The following PGCKA1 variants were observed in gnomAD, a reference collection of about 807,000 sequenced individuals.
PGCKA1 encodes the protein PDCD10 and GCKIII kinases-associated protein 1.
chr4:37,509,329 G>A, the PGCKA1 span, among the ~76,000 whole-genome samples: 46 of 128,806 alleles, frequency 3.6e-4, 3 homozygotes, highest in African/African-American at 1.3e-3. Context: ...CAGACAGGGC[G>A]GCCGGGCAGA....
chr4:37,483,761 C>T, the PGCKA1 span, among the ~76,000 whole-genome samples: 1 of 152,082 alleles, frequency 6.6e-6, no homozygotes, highest in Non-Finnish European at 1.5e-5. Flanking sequence ...CACCTAAGTC[C>T]AGGTGAACAC....
At chr4:37,580,604 A>G in the PGCKA1 span, among the ~76,000 whole-genome samples, 5 of 152,304 alleles carry the variant, frequency 3.3e-5, no homozygotes, top group South Asian at 1.0e-3. Flanking sequence ...TTGTTCCCCA[A>G]ACAAAAGTTT....
At chr4:37,573,606 C>T in the PGCKA1 span, among the ~76,000 whole-genome samples, 1 of 152,158 alleles carries the variant, frequency 6.6e-6, no homozygotes, top group Non-Finnish European at 1.5e-5. Flanking sequence ...ATATGCAAAC[C>T]TCTTTCTCCA....
chr4:37,573,133 A>G, the PGCKA1 span, among the ~76,000 whole-genome samples: 1 of 152,224 alleles, frequency 6.6e-6, no homozygotes, highest in Admixed American at 6.5e-5. Context: ...TTAAGCATGT[A>G]TATCATTAAT....
the PGCKA1 span, among the ~76,000 whole-genome samples, chr4:37,453,448 T>A: frequency 2.0e-5 from 3 of 152,068 alleles, no homozygotes; most frequent in African/African-American, 7.2e-5. Context: ...TAGGTCCATG[T>A]AGCTCATACA....
the PGCKA1 span, among the ~76,000 whole-genome samples, chr4:37,539,123 A>T: frequency 1.3e-5 from 2 of 152,184 alleles, no homozygotes. Context: ...TATGAGGAAC[A>T]TCTGAGCCCC....
chr4:37,467,957 C>T, the PGCKA1 span, among the ~76,000 whole-genome samples: 1 of 152,280 alleles, frequency 6.6e-6, no homozygotes, highest in East Asian at 1.9e-4. Flanking sequence ...CTCAGGAGCT[C>T]GCTCATGTTC....
chr4:37,526,992 C>T, the PGCKA1 span, among the ~76,000 whole-genome samples: 4 of 151,942 alleles, frequency 2.6e-5, no homozygotes, highest in African/African-American at 9.7e-5. Flanking sequence ...TCCAATAGGA[C>T]AAGATGTGGA....
chr4:37,458,771 C>T, the PGCKA1 span, among the ~76,000 whole-genome samples: 1 of 152,156 alleles, frequency 6.6e-6, no homozygotes, highest in Middle Eastern at 3.2e-3. Context: ...AAATAGACCC[C>T]ACTTTTTAAT....
the PGCKA1 span, among the ~76,000 whole-genome samples, chr4:37,497,100 C>T: frequency 6.6e-6 from 1 of 152,136 alleles, no homozygotes; most frequent in Non-Finnish European, 1.5e-5. Flanking sequence ...CTCTTCCCTC[C>T]AAGTCCCCAA....
chr4:37,570,449 G>C, the PGCKA1 span, among the ~76,000 whole-genome samples: 8 of 102,418 alleles, frequency 7.8e-5, no homozygotes, highest in African/African-American at 2.9e-4. Flanking sequence ...AAAAAAAAAA[G>C]ATTGAGCTGT....
the PGCKA1 span, among the ~76,000 whole-genome samples, chr4:37,553,322 G>A: frequency 2.2e-5 from 3 of 139,468 alleles, 1 homozygote; most frequent in South Asian, 7.6e-4. Flanking sequence ...CTTATTTCAT[G>A]GTTATTGTTA....
chr4:37,538,464 T>C, the PGCKA1 span, among the ~76,000 whole-genome samples: 1 of 152,194 alleles, frequency 6.6e-6, no homozygotes, highest in African/African-American at 2.4e-5. Context: ...CCCCTGATGC[T>C]AAAAGAGACA....
the PGCKA1 span, among the ~76,000 whole-genome samples, chr4:37,488,085 C>G: frequency 2.3e-4 from 35 of 152,104 alleles, no homozygotes; most frequent in Non-Finnish European, 2.6e-4. Flanking sequence ...TAGAGTTGTT[C>G]CATAGCCTTC....
chr4:37,560,411 TA>T, the PGCKA1 span, among the ~76,000 whole-genome samples: 1,535 of 152,242 alleles, frequency 0.01, 13 homozygotes, highest in Middle Eastern at 0.037. Flanking sequence ...GGGACCAGGG[TA>T]GTAACCCACA....
chr4:37,458,671 G>A, the PGCKA1 span, among the ~76,000 whole-genome samples: 1 of 152,134 alleles, frequency 6.6e-6, no homozygotes, highest in East Asian at 1.9e-4. Context: ...AACGCCCCTT[G>A]AGGCCTAAAT....
the PGCKA1 span, among the ~76,000 whole-genome samples, chr4:37,453,511 G>C: frequency 1.3e-5 from 2 of 152,138 alleles, no homozygotes; most frequent in Non-Finnish European, 2.9e-5. Context: ...CAGAAATAAG[G>C]AGGAAACTGA....
At chr4:37,478,000 TACAA>T in the PGCKA1 span, among the ~76,000 whole-genome samples, 4 of 152,160 alleles carry the variant, frequency 2.6e-5, no homozygotes, top group Non-Finnish European at 5.9e-5. Context: ...ACCAAGTACA[TACAA>T]AAACTGCATC....
At chr4:37,541,327 A>G in the PGCKA1 span, among the ~76,000 whole-genome samples, 1 of 152,128 alleles carries the variant, frequency 6.6e-6, no homozygotes, top group Non-Finnish European at 1.5e-5. Flanking sequence ...AAGCACCCAC[A>G]AGTGGGTCTG....
Sources: allele counts gnomAD v4.1 joint callset (sites outside exome capture counted in the v4.1 genomes callset), GRCh38; gene constraint gnomAD v4.1.1; transcripts MANE v1.5; gene names NCBI Gene and HGNC (gene_info 2026-07-23, HGNC 2026-07-21).